The following COA4 variants were observed in gnomAD, a reference collection of about 807,000 sequenced individuals.
COA4 encodes the protein cytochrome c oxidase assembly factor 4 homolog, also known as cytochrome c oxidase assembly factor 4 homolog, mitochondrial.
Under a neutral mutation model 7.3 loss-of-function variants are expected in COA4, and 8 were observed. The observed-to-expected ratio is 1.10, with a 90% CI of 0.64 to 1.98. COA4 has a LOEUF of 1.98. Ranked by LOEUF, COA4 falls within the 30% of genes most tolerant of loss-of-function variation. The pLI, the probability that COA4 is intolerant of heterozygous loss-of-function variation, is 0.00. For missense variants in COA4, 96 were observed against 111.2 expected (o/e 0.86, Z 0.62); for synonymous variants, 42 against 44.3 (o/e 0.95, Z 0.21).
At position 73,873,270 on chromosome 11, in the gene COA4, A is replaced by T. The variant is rs779253027; in HGVS notation, c.109T>A (p.Ser37Thr). 5.6e-6 allele frequency: 9 copies of T among 1,614,110 alleles called. No homozygotes were observed. Among genetic ancestry groups the T allele is most frequent in the Non-Finnish European group, 7.6e-6 (9 of 1,180,048 alleles). ...QLISRSGCAA[S>T]HFAVQECMAQ... The stretch of plus-strand genomic sequence containing the variant: ...ATGCACTCCTGCACTGCAAAGTGGG[A>T]GGCAGCACAGCCAGAGCGGGAGATC... Residue 37 changes from serine to threonine, a missense_variant, in exon 2 of 2, where the codon TCC (serine) becomes ACC (threonine). Physicochemically the swap from Ser to Thr is moderately conservative, Grantham distance 58. Coordinates refer to ENST00000355693, the MANE Select transcript of COA4 (RefSeq NM_016565.3).
chr11:73,875,678 A>G (rs1167308996), intron 1 of COA4: 3 of 152,152 alleles, frequency 2.0e-5, no homozygotes, highest in African/African-American at 7.2e-5. Context: ...AAAAAAAAAA[A>G]AAAGTTCAGT....
At chr11:73,876,181 T>C (rs1296317989) in intron 1 of COA4, 1 of 151,406 alleles carries the variant, frequency 6.6e-6, no homozygotes, top group Non-Finnish European at 1.5e-5. Flanking sequence ...GGCTGGTATG[T>C]CTAAAGAGTT....
intron 1 of COA4, 117 bp downstream of exon 1, chr11:73,876,640 G>A (rs1948749981): frequency 1.2e-5 from 2 of 172,064 alleles, no homozygotes; most frequent in African/African-American, 4.7e-5. Flanking sequence ...GAGGCCTGAG[G>A]CGCCTCAGGC....
At chr11:73,873,489 A>C in intron 1 of COA4, 95 bp from the exon 2 acceptor site, 1 of 1,082,538 alleles carries the variant, frequency 9.2e-7, no homozygotes, top group Non-Finnish European at 1.3e-6. Context: ...AGCCTGTTTA[A>C]TGTGTCTGTC....
At chr11:73,873,760 C>T (rs982615660) in intron 1 of COA4, 17 of 228,724 alleles carry the variant, frequency 7.4e-5, no homozygotes, top group African/African-American at 3.6e-4. Flanking sequence ...CTCAAGTGAT[C>T]CTCCTGCCTT....
intron 1 of COA4, 53 bp from the exon 2 acceptor site, chr11:73,873,447 T>C: frequency 6.6e-7 from 1 of 1,514,814 alleles, no homozygotes; most frequent in East Asian, 2.3e-5. Context: ...GGTTCCTAAA[T>C]TATAAATAGC....
chr11:73,872,849 G>A lies in COA4; in HGVS notation c.*266C>T, dbSNP rs1404372937. On this transcript the variant is annotated 3_prime_UTR_variant, in exon 2 of 2. Coordinates refer to ENST00000355693, the MANE Select transcript of COA4 (RefSeq NM_016565.3). The stretch of plus-strand genomic sequence containing the variant: ...CTTGGCACACTGACTTAAGATGTGG[G>A]GTGGGGGAGCATCCCTTAACACATT... 2 of 452,640 alleles carry A rather than the reference G, an allele frequency of 4.4e-6. No homozygotes were observed. Among genetic ancestry groups the A allele is most frequent in the African/African-American group, 3.9e-5 (2 of 51,464 alleles). The allele number at this position is 452,640 out of a possible 1,614,324, so 28.0% of individuals were successfully genotyped here.
At chr11:73,874,793 C>T (rs530070604) in intron 1 of COA4, among the ~76,000 whole-genome samples, 1 of 152,130 alleles carries the variant, frequency 6.6e-6, no homozygotes, top group Non-Finnish European at 1.5e-5. Flanking sequence ...CAAGACCAGC[C>T]TGGCCGGGAT....
chr11:73,872,966 T>C lies in COA4; in HGVS notation c.*149A>G. ...ATATGACAGCTGTTTGTGCCAGTCA[T>C]GTCCAAACCCATGGCTCTCAACTCC... On this transcript the variant is annotated 3_prime_UTR_variant, in exon 2 of 2. Coordinates refer to ENST00000355693, the MANE Select transcript of COA4 (RefSeq NM_016565.3). 2 of 924,660 alleles carry C rather than the reference T, an allele frequency of 2.2e-6. No homozygotes were observed. Among genetic ancestry groups the C allele is most frequent in the South Asian group, 3.5e-5 (2 of 57,810 alleles). The allele number at this position is 924,660 out of a possible 1,614,324, so 57.3% of individuals were successfully genotyped here. A position where few individuals can be genotyped will look rare whatever the true frequency, so the allele number is the denominator to read the frequency against.
rs559818580 is a variant in COA4, at chr11:73,874,753, C to T, written c.-16-1359G>A. ...ATGTAATCCCAGCAATTTGGGAGCCCGAGGCAGATGGATCATAAGGTCAGA... is the reference window on the plus strand; with the variant it reads ...ATGTAATCCCAGCAATTTGGGAGCCTGAGGCAGATGGATCATAAGGTCAGA... On this transcript the variant is annotated intron_variant, in intron 1 of 1. Coordinates refer to ENST00000355693, the MANE Select transcript of COA4 (RefSeq NM_016565.3). Among the ~76,000 whole-genome samples the T allele has an allele frequency of 1.0e-3, 159 of 152,158 alleles. 2 individuals carry two copies. Among genetic ancestry groups the T allele is most frequent in the Middle Eastern group, 3.4e-3 (1 of 294 alleles).
At chr11:73,873,695 CT>C in intron 1 of COA4, 1 of 398,976 alleles carries the variant, frequency 2.5e-6, no homozygotes, top group Non-Finnish European at 4.5e-6. Flanking sequence ...TTTTTTGATT[CT>C]TTAATAGAGA....
At chr11:73,873,665 T>G (rs1423078141) in intron 1 of COA4, 12 of 475,512 alleles carry the variant, frequency 2.5e-5, no homozygotes, top group Non-Finnish European at 4.0e-5. Context: ...ACTACAGGTG[T>G]GCATCACCAC....
At chr11:73,874,674 A>G (rs930759293) in intron 1 of COA4, among the ~76,000 whole-genome samples, 2 of 152,018 alleles carry the variant, frequency 1.3e-5, no homozygotes, top group African/African-American at 2.4e-5. Context: ...GCCTTATTCT[A>G]TGCTGAAGAA....
At chr11:73,874,951 C>G (rs1047648643) in intron 1 of COA4, among the ~76,000 whole-genome samples, 1 of 152,168 alleles carries the variant, frequency 6.6e-6, no homozygotes, top group East Asian at 1.9e-4. Context: ...CGTGCCACTG[C>G]ACTCCAGCCT....
intron 1 of COA4, 72 bp downstream of exon 1, chr11:73,876,684 GC>G: frequency 4.4e-6 from 1 of 225,768 alleles, no homozygotes; most frequent in Middle Eastern, 1.4e-3. Flanking sequence ...GGACGCATGC[GC>G]GCGCGCGGCC....
intron 1 of COA4, chr11:73,873,785 C>G (rs1948714272): frequency 4.9e-6 from 1 of 205,112 alleles, no homozygotes; most frequent in Non-Finnish European, 9.9e-6. Context: ...ACCCAAAATG[C>G]TGGGATTACA....
chr11:73,875,050 A>G (rs1485340376), intron 1 of COA4, among the ~76,000 whole-genome samples: 1 of 152,214 alleles, frequency 6.6e-6, no homozygotes, highest in Non-Finnish European at 1.5e-5. Flanking sequence ...ACACATGGGA[A>G]GGATGGAAAG....
rs1218599557 is a variant in COA4, at chr11:73,872,937, G to C, written c.*178C>G. 1.5e-6 allele frequency: 1 copy of C among 684,644 alleles called. No individual in the cohort carries two copies. The allele number at this position is 684,644 out of a possible 1,614,324, so 42.4% of individuals were successfully genotyped here. ...CTGAGAATGTATGACATCTGACCAT[G>C]AACATATGACAGCTGTTTGTGCCAG... On this transcript the variant is annotated 3_prime_UTR_variant, in exon 2 of 2. Transcript: ENST00000355693.
rs770214695 is a variant in COA4 at position 73,873,407 on chromosome 11, A to C, written c.-16-13T>G. On this transcript the variant is annotated splice_polypyrimidine_tract_variant and intron_variant, in intron 1 of 1. Transcript: ENST00000355693. Reference sequence around the variant, plus strand: ...GGGGATGGGGAGTCTATAGAACATTAACAGGTTAGAGTAGGGATATAATAT... The same window carrying C: ...GGGGATGGGGAGTCTATAGAACATTCACAGGTTAGAGTAGGGATATAATAT... The C allele has an allele frequency of 4.3e-6, 7 of 1,611,204 alleles. No homozygotes were observed. Among genetic ancestry groups the C allele is most frequent in the African/African-American group, 1.3e-5 (1 of 75,016 alleles).
Sources: allele counts gnomAD v4.1 joint callset (sites outside exome capture counted in the v4.1 genomes callset), GRCh38; gene constraint gnomAD v4.1.1; transcripts MANE v1.5; gene names NCBI Gene and HGNC (gene_info 2026-07-23, HGNC 2026-07-21).